ACAD9: variants seen among roughly 807,000 people sequenced by gnomAD.
The protein encoded by ACAD9 is acyl-CoA dehydrogenase family member 9.
ACAD9 carries 53 observed loss-of-function variants against 70.2 expected under a neutral mutation model. The ratio of observed to expected loss-of-function variants is 0.75; its 90% CI spans 0.61 to 0.95. The LOEUF (loss-of-function observed/expected upper bound fraction) is 0.95, where lower values mean the gene tolerates loss of function less well. Among genes scored for constraint, ACAD9 ranks in the 40% least tolerant of loss-of-function variants. ACAD9 has a pLI of 0.00. For synonymous variants in ACAD9, 313 were observed against 312.1 expected (o/e 1.00, Z -0.03); for missense variants, 777 against 802.8 (o/e 0.97, Z 0.39).
At position 128,909,080 on chromosome 3, in the gene ACAD9, T is replaced by C. The variant is rs866121097; in HGVS notation, c.1466T>C (p.Val489Ala). Reference protein sequence around the residue: ...VDLGLTGNHGVVHPSLADSAN... With the variant: ...VDLGLTGNHGAVHPSLADSAN... ...CTGGGGCTGACAGGCAACCATGGAGTTGTGCACCCCAGTCTTGCGGTGAGT... is the reference window on the plus strand; with the variant it reads ...CTGGGGCTGACAGGCAACCATGGAGCTGTGCACCCCAGTCTTGCGGTGAGT... The change falls in exon 14 of 18, where the codon GTT becomes GCT. Residue 489 changes from valine to alanine, a missense_variant. By Grantham distance (64) the Val-to-Ala change is moderately conservative. Transcript: ENST00000308982. The C allele has an allele frequency of 3.1e-6, 5 of 1,613,716 alleles. No individual in the cohort carries two copies. In the South Asian group the frequency reaches 4.4e-5, roughly 14 times the overall value.
chr3:128,886,878 C>T (rs1935265919), intron 2 of ACAD9, among the ~76,000 whole-genome samples: 1 of 151,540 alleles, frequency 6.6e-6, no homozygotes, highest in Non-Finnish European at 1.5e-5. Flanking sequence ...GTCCACTGTG[C>T]AGTCTTTTTT....
At position 128,912,648 on chromosome 3, in the gene ACAD9, ATGGCCCGTTGCTGGATGAC is replaced by A; in HGVS notation, c.*44_*62del. 6.6e-7 allele frequency: 1 copy of A among 1,512,272 alleles called. No individual in the cohort carries two copies. The allele number at this position is 1,512,272 out of a possible 1,614,324, so 93.7% of individuals were successfully genotyped here. A position where few individuals can be genotyped will look rare whatever the true frequency, so the allele number is the denominator to read the frequency against. The stretch of plus-strand genomic sequence containing the variant: ...CCCCTGCTACCGCCCGCCCCTACCC[ATGGCCCGTTGCTGGATGAC>A]TGTTACTCTTTTTTCAGAAGGTGTT... On this transcript the variant is annotated 3_prime_UTR_variant, in exon 18 of 18. Coordinates refer to ENST00000308982, the MANE Select transcript of ACAD9 (RefSeq NM_014049.5).
At chr3:128,885,561 T>G (rs1425980545) in intron 2 of ACAD9, among the ~76,000 whole-genome samples, 1 of 152,084 alleles carries the variant, frequency 6.6e-6, no homozygotes, top group Non-Finnish European at 1.5e-5. Context: ...CCAGCTAATT[T>G]TTTTGTATTT....
At chr3:128,904,899 C>T (rs2107658416) in intron 11 of ACAD9, among the ~76,000 whole-genome samples, 1 of 152,284 alleles carries the variant, frequency 6.6e-6, no homozygotes, top group Non-Finnish European at 1.5e-5. Context: ...AATCCCAGCA[C>T]TTTGGGGGGC....
At chr3:128,911,711 G>A (rs1195756877) in intron 17 of ACAD9, among the ~76,000 whole-genome samples, 1 of 152,226 alleles carries the variant, frequency 6.6e-6, no homozygotes, top group Non-Finnish European at 1.5e-5. Flanking sequence ...CAAAGTGCTG[G>A]GATTACAGGC....
chr3:128,906,469 A>T (rs544778670), intron 12 of ACAD9, among the ~76,000 whole-genome samples: 1 of 152,232 alleles, frequency 6.6e-6, no homozygotes, highest in South Asian at 2.1e-4. Flanking sequence ...GTGGCAGGGG[A>T]GGGAACTGGG....
At chr3:128,884,780 C>T in intron 2 of ACAD9, 34 bp downstream of exon 2, 1 of 1,449,248 alleles carries the variant, frequency 6.9e-7, no homozygotes, top group South Asian at 1.1e-5. Flanking sequence ...TGCCGATTTC[C>T]ATTGTAAGGG....
rs201248046 is a variant in ACAD9 at position 128,904,112 on chromosome 3, A to G, written c.1009A>G (p.Ser337Gly). 5.1e-5 allele frequency: 83 copies of G among 1,614,220 alleles called. 1 individual carries two copies. The East Asian group carries it at 1.3e-3, about 25-fold the overall frequency. Residue 337 changes from serine (S) to glycine (G), a missense_variant, in exon 10 of 18, where the codon AGT becomes GGT. Ser to Gly is a moderately conservative substitution (Grantham distance 56). Transcript: ENST00000308982. ...CTRKQFNKRL[S>G]EFGLIQEKFA... The stretch of plus-strand genomic sequence containing the variant: ...AAGGAAACAGTTTAACAAGAGGCTC[A>G]GTGAATTTGGATTGATTCAGGTACC...
rs1935826690 is a variant in ACAD9 at position 128,904,331 on chromosome 3, G to A, written c.1030-55G>A. Reference sequence around the variant, plus strand: ...TAATTACTTTCTCTCCTGTTTCACAGATTTGGCTCTCAGCACATGCAAATT... The same window carrying A: ...TAATTACTTTCTCTCCTGTTTCACAAATTTGGCTCTCAGCACATGCAAATT... On this transcript the variant is annotated intron_variant, in intron 10 of 17. Coordinates refer to ENST00000308982, the MANE Select transcript of ACAD9 (RefSeq NM_014049.5). The A allele has an allele frequency of 5.0e-6, 8 of 1,613,928 alleles. No homozygotes were observed. In the Admixed American group the frequency reaches 1.3e-4, roughly 27 times the overall value.
chr3:128,894,221 C>T (rs539777984), intron 3 of ACAD9, among the ~76,000 whole-genome samples: 4 of 152,298 alleles, frequency 2.6e-5, no homozygotes, highest in African/African-American at 9.6e-5. Flanking sequence ...AAGGATGCTG[C>T]TAAGCATCTG....
intron 11 of ACAD9, 150 bp downstream of exon 11, chr3:128,904,655 G>A: frequency 3.0e-6 from 4 of 1,335,694 alleles, no homozygotes; most frequent in Non-Finnish European, 4.1e-6. Flanking sequence ...TAGCACTCCA[G>A]GGATAGGCAG....
At chr3:128,911,994 T>C (rs1188726558) in intron 17 of ACAD9, among the ~76,000 whole-genome samples, 3 of 152,220 alleles carry the variant, frequency 2.0e-5, no homozygotes, top group Admixed American at 2.0e-4. Flanking sequence ...CCCAGCTCAG[T>C]CTACCTCTGA....
chr3:128,884,706 T>A lies in ACAD9; in HGVS notation c.204T>A (p.Asn68Lys), dbSNP rs770395658. Residue 68 changes from asparagine to lysine, a missense_variant, in exon 2 of 18, where the codon AAT becomes AAA. Transcript: ENST00000308982. ...EVSQDELNEI[N>K]QFLGPVEKFF... ...GCCAAGATGAACTTAATGAAATCAATCAGTTCTTGGGACCCGTGGAAAAAT... is the reference window on the plus strand; with the variant it reads ...GCCAAGATGAACTTAATGAAATCAAACAGTTCTTGGGACCCGTGGAAAAAT... 6.2e-7 allele frequency: 1 copy of A among 1,613,338 alleles called. No homozygotes were observed. The highest frequency in any genetic ancestry group is 8.5e-7 in the Non-Finnish European group (1 of 1,179,800).
At chr3:128,908,825 GT>G (rs1935997954) in intron 13 of ACAD9, 147 bp from the exon 14 acceptor site, 4 of 1,296,520 alleles carry the variant, frequency 3.1e-6, no homozygotes, top group Non-Finnish European at 4.3e-6. Flanking sequence ...CAGGTGGTGG[GT>G]TTGGGGGGGT....
intron 15 of ACAD9, 118 bp downstream of exon 15, chr3:128,909,539 C>A: frequency 8.9e-7 from 1 of 1,117,834 alleles, no homozygotes; most frequent in Non-Finnish European, 1.3e-6. Context: ...ATGTTGATCA[C>A]CCTGGAGGGA....
intron 17 of ACAD9, among the ~76,000 whole-genome samples, chr3:128,911,619 G>A (rs1936332269): frequency 6.6e-6 from 1 of 151,438 alleles, no homozygotes; most frequent in South Asian, 2.1e-4. Flanking sequence ...TGTATTTTTA[G>A]TAGAAACAAA....
chr3:128,895,996 G>A (rs1487159544), intron 4 of ACAD9, among the ~76,000 whole-genome samples: 2 of 152,232 alleles, frequency 1.3e-5, no homozygotes, highest in African/African-American at 4.8e-5. Flanking sequence ...CAGCAGGTGG[G>A]ACAGCCCTGA....
rs2107653892 is a variant in ACAD9, at chr3:128,899,428, C to T, written c.775C>T (p.Pro259Ser). The T allele has an allele frequency of 6.2e-7, 1 of 1,614,190 alleles. No individual in the cohort carries two copies. The highest frequency in any genetic ancestry group is 8.5e-7 in the Non-Finnish European group (1 of 1,180,038). The change falls in exon 7 of 18, where the codon CCC becomes TCC. Residue 259 changes from proline to serine, a missense_variant. Pro to Ser is a moderately conservative substitution (Grantham distance 74). Coordinates refer to ENST00000308982, the MANE Select transcript of ACAD9 (RefSeq NM_014049.5). ...CTTTGGTGGAGTCACTAATGGGAAA[C>T]CCGAAGATAAATTAGGCATTCGGGG... ...RDFGGVTNGK[P>S]EDKLGIRGSN...
chr3:128,893,477 A>G, intron 2 of ACAD9, 78 bp from the exon 3 acceptor site: 6 of 1,132,312 alleles, frequency 5.3e-6, no homozygotes, highest in Non-Finnish European at 7.9e-6. Context: ...TATGATTAAT[A>G]TATAAACACT....
Sources: gnomAD v4.1 joint callset for allele counts (sites outside exome capture counted in the v4.1 genomes callset) on GRCh38, gnomAD v4.1.1 for gene constraint, MANE v1.5 for transcripts, NCBI Gene and HGNC (gene_info 2026-07-23, HGNC 2026-07-21) for gene names.